The following FGF10 variants were observed in gnomAD, a reference collection of about 807,000 sequenced individuals.
FGF10 encodes the protein FGF-10.
FGF10 carries 2 observed loss-of-function variants against 19.8 expected under a neutral mutation model. That is an observed-to-expected ratio of 0.10 (90% CI 0.04 to 0.32). The LOEUF is 0.32. FGF10 is among the 10% of genes least tolerant of loss of function. The pLI, the probability that FGF10 is intolerant of heterozygous loss-of-function variation, is 1.00. For missense variants in FGF10, 191 were observed against 246.3 expected, an observed-to-expected ratio of 0.78 and a Z score of 1.50; for synonymous variants, 112 against 94.0, an observed-to-expected ratio of 1.19 and a Z score of -1.10.
chr5:44,320,863 T>G (rs921573651), intron 1 of FGF10, among the ~76,000 whole-genome samples: 1 of 152,056 alleles, frequency 6.6e-6, no homozygotes, highest in East Asian at 1.9e-4. Flanking sequence ...CACAGGCATG[T>G]GCCGCCATGC....
intron 1 of FGF10, among the ~76,000 whole-genome samples, chr5:44,326,065 C>T (rs538884843): frequency 4.9e-4 from 75 of 152,000 alleles, no homozygotes; most frequent in Admixed American, 3.5e-3. Context: ...TAAAACTTAA[C>T]CAAAACAGAA....
At chr5:44,383,841 A>G (rs1742040067) in intron 1 of FGF10, among the ~76,000 whole-genome samples, 1 of 152,108 alleles carries the variant, frequency 6.6e-6, no homozygotes, top group Non-Finnish European at 1.5e-5. Context: ...AGTGGAAGCC[A>G]TAAATTGTTT....
At chr5:44,374,202 T>C (rs1384912754) in intron 1 of FGF10, among the ~76,000 whole-genome samples, 1 of 152,170 alleles carries the variant, frequency 6.6e-6, no homozygotes, top group African/African-American at 2.4e-5. Flanking sequence ...AATCTTTCTG[T>C]TTCCATTTTC....
At position 44,304,622 on chromosome 5, in the gene FGF10, TCCATAA is replaced by T. The variant is rs1740031532; in HGVS notation, c.*367_*372del. The T allele has an allele frequency of 7.5e-6, 2 of 266,540 alleles. No homozygotes were observed. Among genetic ancestry groups the T allele is most frequent in the African/African-American group, 4.5e-5 (2 of 44,740 alleles). The allele number at this position is 266,540 out of a possible 1,614,324, so 16.5% of individuals were successfully genotyped here. ...TGAAGTCTTTGATATGAGTTCGTAT[TCCATAA>T]ATAACTTTCCCGAAGATCGTTCTTT... On this transcript the variant is annotated 3_prime_UTR_variant, in exon 3 of 3. Coordinates refer to ENST00000264664, the MANE Select transcript of FGF10 (RefSeq NM_004465.2).
Position 44,304,313 on chromosome 5 carries a change from G to A in FGF10, c.*682C>T, listed in dbSNP as rs1346565219. The stretch of plus-strand genomic sequence containing the variant: ...AGAAAAGATAAATCAGAAGACAGCT[G>A]CTGAGATACTCTTTAAAACCCCAAA... On this transcript the variant is annotated 3_prime_UTR_variant, in exon 3 of 3. Coordinates refer to ENST00000264664, the MANE Select transcript of FGF10 (RefSeq NM_004465.2). 1 of 152,254 alleles carries A rather than the reference G, an allele frequency of 6.6e-6. No homozygotes were observed. Among genetic ancestry groups the A allele is most frequent in the African/African-American group, 2.4e-5 (1 of 41,434 alleles). 9.4% of individuals were successfully genotyped at this position (152,254 alleles called of 1,614,324 possible).
chr5:44,385,068 G>A (rs935149586), intron 1 of FGF10, among the ~76,000 whole-genome samples: 22 of 152,138 alleles, frequency 1.4e-4, no homozygotes, highest in African/African-American at 4.3e-4. Context: ...AGGTTTCAAG[G>A]GCAAAGCTCT....
rs1466090258 is a variant in FGF10 at position 44,300,883 on chromosome 5, G to A, written c.*4112C>T. ...TGTTATCCAAACCTGGCCAATAAGAGTTATATCTAGGATGTTTACCTTTTT... is the reference window on the plus strand; with the variant it reads ...TGTTATCCAAACCTGGCCAATAAGAATTATATCTAGGATGTTTACCTTTTT... On this transcript the variant is annotated 3_prime_UTR_variant, in exon 3 of 3. Coordinates refer to ENST00000264664, the MANE Select transcript of FGF10 (RefSeq NM_004465.2). Among the ~76,000 whole-genome samples, 1 of 152,030 alleles carries A rather than the reference G, an allele frequency of 6.6e-6. No homozygotes were observed. The highest frequency in any genetic ancestry group is 2.4e-5 in the African/African-American group (1 of 41,400).
chr5:44,355,345 A>G (rs1044418772), intron 1 of FGF10, among the ~76,000 whole-genome samples: 1 of 151,366 alleles, frequency 6.6e-6, no homozygotes, highest in African/African-American at 2.4e-5. Context: ...TAGGTTAAAC[A>G]TCTTTGTTGT....
At chr5:44,309,604 T>A (rs1003233612) in intron 2 of FGF10, among the ~76,000 whole-genome samples, 10 of 152,176 alleles carry the variant, frequency 6.6e-5, no homozygotes, top group African/African-American at 2.2e-4. Context: ...GTTGATATGA[T>A]TGATTGATGC....
intron 1 of FGF10, among the ~76,000 whole-genome samples, chr5:44,337,200 G>A (rs539694559): frequency 6.6e-6 from 1 of 151,922 alleles, no homozygotes; most frequent in Middle Eastern, 3.4e-3. Context: ...CAAAAAAGTA[G>A]CATAACTCTG....
In FGF10 at chr5:44,302,153, G is replaced by T. The variant is rs997166537; in HGVS notation, c.*2842C>A. Among the ~76,000 whole-genome samples the T allele has an allele frequency of 2.7e-5, 4 of 150,610 alleles. No homozygotes were observed. In the Admixed American group the frequency reaches 2.7e-4, roughly 10 times the overall value. ...TCTTCAGTAGTTGCAAAAGGGACCA[G>T]AATTCTATTTCCATTTCAAGCAAAT... On this transcript the variant is annotated 3_prime_UTR_variant, in exon 3 of 3. Transcript: ENST00000264664.
chr5:44,386,928 G>A (rs1347341593), intron 1 of FGF10, among the ~76,000 whole-genome samples: 1 of 152,146 alleles, frequency 6.6e-6, no homozygotes, highest in Non-Finnish European at 1.5e-5. Context: ...ATTCCCATTA[G>A]TACCTGGTAC....
In FGF10 at chr5:44,304,582, G is replaced by A. The variant is rs765337095; in HGVS notation, c.*413C>T. On this transcript the variant is annotated 3_prime_UTR_variant, in exon 3 of 3. Transcript: ENST00000264664. Reference sequence around the variant, plus strand: ...TGTATTACTGTTCATTGATTCATTAGGCTTGAATGAGCAATGAAGTCTTTG... The same window carrying A: ...TGTATTACTGTTCATTGATTCATTAAGCTTGAATGAGCAATGAAGTCTTTG... The A allele has an allele frequency of 1.8e-5, 4 of 222,868 alleles. No homozygotes were observed. Among genetic ancestry groups the A allele is most frequent in the African/African-American group, 2.3e-5 (1 of 42,994 alleles). The allele number at this position is 222,868 out of a possible 1,614,324, so 13.8% of individuals were successfully genotyped here.
intron 1 of FGF10, among the ~76,000 whole-genome samples, chr5:44,338,012 A>C (rs1740891897): frequency 6.6e-6 from 1 of 152,180 alleles, no homozygotes; most frequent in Admixed American, 6.5e-5. Context: ...TGTCCAAATA[A>C]ATGTATGTAT....
chr5:44,334,492 A>T (rs968671871), intron 1 of FGF10, among the ~76,000 whole-genome samples: 19 of 150,716 alleles, frequency 1.3e-4, no homozygotes, highest in Non-Finnish European at 1.9e-4. Context: ...CCACAGGGAA[A>T]TTTTTTTTTT....
At chr5:44,313,290 C>A (rs1193433320) in intron 1 of FGF10, among the ~76,000 whole-genome samples, 1 of 152,066 alleles carries the variant, frequency 6.6e-6, no homozygotes, top group Non-Finnish European at 1.5e-5. Context: ...TTCTGAAGGA[C>A]TGAAGCCTAG....
At chr5:44,356,661 A>G (rs1316410479) in intron 1 of FGF10, among the ~76,000 whole-genome samples, 1 of 151,456 alleles carries the variant, frequency 6.6e-6, no homozygotes, top group Non-Finnish European at 1.5e-5. Flanking sequence ...CAATATAAGA[A>G]TATTGTACAG....
At chr5:44,350,879 A>G (rs988930342) in intron 1 of FGF10, among the ~76,000 whole-genome samples, 1 of 151,350 alleles carries the variant, frequency 6.6e-6, no homozygotes, top group Non-Finnish European at 1.5e-5. Flanking sequence ...CCAGGTTGAA[A>G]GTTTCCAAGT....
intron 1 of FGF10, among the ~76,000 whole-genome samples, chr5:44,335,718 T>C (rs1011814): frequency 0.54 from 82,105 of 151,858 alleles, 24,156 homozygotes; most frequent in Non-Finnish European, 0.67. Flanking sequence ...TTTAATATAC[T>C]GCTTTCCACT....
Sources: allele counts gnomAD v4.1 joint callset (sites outside exome capture counted in the v4.1 genomes callset), GRCh38; gene constraint gnomAD v4.1.1; transcripts MANE v1.5; gene names NCBI Gene and HGNC (gene_info 2026-07-23, HGNC 2026-07-21).